C16orf87: variants seen among roughly 807,000 people sequenced by gnomAD.
C16orf87 encodes the protein HDAC and MIER1 interacting protein 1.
Under a neutral mutation model 21.0 loss-of-function variants are expected in C16orf87, and 13 were observed. That is an observed-to-expected ratio of 0.62 (90% CI 0.40 to 0.98). The LOEUF (loss-of-function observed/expected upper bound fraction) is 0.98. C16orf87 is among the 50% of genes least tolerant of loss of function. C16orf87 has a pLI of 0.00. For missense variants in C16orf87, 113 were observed against 180.4 expected (o/e 0.63, Z 2.14); for synonymous variants, 49 against 60.2 (o/e 0.81, Z 0.86).
chr16:46,825,579 A>G (rs542486206), intron 1 of C16orf87, among the ~76,000 whole-genome samples: 26 of 152,278 alleles, frequency 1.7e-4, no homozygotes, highest in African/African-American at 6.0e-4. Flanking sequence ...CAAACAATCT[A>G]TACTCTTTTA....
rs1289810999 is a variant in C16orf87, at chr16:46,799,266, C to A, written c.*3686G>T. 6.6e-6 allele frequency: 1 copy of A among 151,758 alleles called. No individual in the cohort carries two copies. Among genetic ancestry groups the A allele is most frequent in the African/African-American group, 2.4e-5 (1 of 41,296 alleles). 9.4% of individuals were successfully genotyped at this position (151,758 alleles called of 1,614,324 possible). On this transcript the variant is annotated 3_prime_UTR_variant, in exon 4 of 4. Transcript: ENST00000285697. Reference sequence around the variant, plus strand: ...CTATAATAAATGGGTTAAGGCAGCACAAAAGAATAATTTAAAAAAATAGTT... The same window carrying A: ...CTATAATAAATGGGTTAAGGCAGCAAAAAAGAATAATTTAAAAAAATAGTT...
chr16:46,824,592 A>G, intron 1 of C16orf87, 110 bp from the exon 2 acceptor site: 1 of 491,266 alleles, frequency 2.0e-6, no homozygotes, highest in South Asian at 3.6e-5. Flanking sequence ...AGGAGGAATC[A>G]TGTATTTATT....
At chr16:46,807,350 G>A (rs1311104801) in intron 3 of C16orf87, among the ~76,000 whole-genome samples, 1 of 151,948 alleles carries the variant, frequency 6.6e-6, no homozygotes, top group Admixed American at 6.6e-5. Context: ...CCAGGAGTTT[G>A]AGGCTGAAGT....
rs1215719147 is a variant in C16orf87, at chr16:46,798,120, AAAGGGAGCAAAT to A, written c.*4820_*4831del. The A allele has an allele frequency of 6.6e-6, 1 of 152,232 alleles. No individual in the cohort carries two copies. Among genetic ancestry groups the A allele is most frequent in the African/African-American group, 2.4e-5 (1 of 41,478 alleles). The allele number at this position is 152,232 out of a possible 1,614,324, so 9.4% of individuals were successfully genotyped here. On this transcript the variant is annotated 3_prime_UTR_variant, in exon 4 of 4. Coordinates refer to ENST00000285697, the MANE Select transcript of C16orf87 (RefSeq NM_001001436.4). Reference sequence around the variant, plus strand: ...TGAGCTTCCGCCACAATAAGCTAGAAAAGGGAGCAAATAAGCCCAAAGCAAAGAAAGGAGAAA... The same window carrying A: ...TGAGCTTCCGCCACAATAAGCTAGAAAAGCCCAAAGCAAAGAAAGGAGAAA...
intron 2 of C16orf87, among the ~76,000 whole-genome samples, chr16:46,820,503 T>C (rs996481020): frequency 6.6e-6 from 1 of 152,226 alleles, no homozygotes; most frequent in African/African-American, 2.4e-5. Context: ...TTTAGAGATC[T>C]TTCCATTTCA....
At chr16:46,818,419 T>C (rs567082119) in intron 2 of C16orf87, among the ~76,000 whole-genome samples, 22 of 152,142 alleles carry the variant, frequency 1.4e-4, no homozygotes, top group Non-Finnish European at 1.8e-4. Context: ...GAAAACTAAG[T>C]TGAGGGTTTT....
intron 2 of C16orf87, among the ~76,000 whole-genome samples, chr16:46,818,713 A>G (rs1450133604): frequency 6.6e-6 from 1 of 152,166 alleles, no homozygotes; most frequent in Non-Finnish European, 1.5e-5. Flanking sequence ...AATTTGAGAT[A>G]GAGTCTCACT....
chr16:46,822,263 T>A (rs1280800516), intron 2 of C16orf87, among the ~76,000 whole-genome samples: 3 of 152,188 alleles, frequency 2.0e-5, no homozygotes, highest in African/African-American at 7.2e-5. Context: ...ATTTCTCATC[T>A]GAATCACTGG....
At chr16:46,829,109 G>A (rs1169018667) in intron 1 of C16orf87, among the ~76,000 whole-genome samples, 4 of 152,134 alleles carry the variant, frequency 2.6e-5, no homozygotes, top group Non-Finnish European at 2.9e-5. Context: ...TTTAAATTAA[G>A]TCATGAGGGT....
intron 2 of C16orf87, among the ~76,000 whole-genome samples, chr16:46,823,451 G>C (rs910606707): frequency 2.6e-5 from 4 of 152,114 alleles, no homozygotes; most frequent in Non-Finnish European, 5.9e-5. Flanking sequence ...TAACAAAATT[G>C]TATCTTTTAA....
chr16:46,827,619 GT>G (rs1959666134), intron 1 of C16orf87, among the ~76,000 whole-genome samples: 1 of 150,248 alleles, frequency 6.7e-6, no homozygotes, highest in Non-Finnish European at 1.5e-5. Context: ...TCTCACTCTT[GT>G]CCCCCAGGCT....
intron 2 of C16orf87, among the ~76,000 whole-genome samples, chr16:46,821,149 A>G (rs1959398377): frequency 6.6e-6 from 1 of 152,232 alleles, no homozygotes; most frequent in African/African-American, 2.4e-5. Context: ...TGTAAAAACG[A>G]GAATTACTGA....
chr16:46,830,843 C>G (rs1567320788), intron 1 of C16orf87: 3 of 348,452 alleles, frequency 8.6e-6, no homozygotes, highest in Non-Finnish European at 1.5e-5. Context: ...GTGGCCGGGA[C>G]ACAGCAAGAA....
rs964324468 is a variant in C16orf87 at position 46,818,507 on chromosome 16, A to G, written c.163+5879T>C. ...TATGCTTACTCTAAACCTTTTACTCACTGAAAATTTCATAGTTAAAATACT... is the reference window on the plus strand; with the variant it reads ...TATGCTTACTCTAAACCTTTTACTCGCTGAAAATTTCATAGTTAAAATACT... On this transcript the variant is annotated intron_variant, in intron 2 of 3. Coordinates refer to ENST00000285697, the MANE Select transcript of C16orf87 (RefSeq NM_001001436.4). Among the ~76,000 whole-genome samples the G allele has an allele frequency of 4.6e-5, 7 of 152,126 alleles. No homozygotes were observed. In the South Asian group the frequency reaches 1.5e-3, roughly 32 times the overall value.
At chr16:46,822,044 G>A (rs1041548542) in intron 2 of C16orf87, among the ~76,000 whole-genome samples, 1 of 152,056 alleles carries the variant, frequency 6.6e-6, no homozygotes, top group Non-Finnish European at 1.5e-5. Context: ...TGTATCATCT[G>A]TTCCTCCTTT....
chr16:46,825,542 C>T (rs960592982), intron 1 of C16orf87, among the ~76,000 whole-genome samples: 3 of 152,166 alleles, frequency 2.0e-5, no homozygotes. Flanking sequence ...GGGTATTCAA[C>T]CCCTCAAGCA....
intron 2 of C16orf87, among the ~76,000 whole-genome samples, chr16:46,819,745 C>A (rs988076323): frequency 4.6e-5 from 7 of 151,226 alleles, no homozygotes; most frequent in African/African-American, 9.7e-5. Context: ...GAGGCCGAGG[C>A]GGGCGGATTA....
At chr16:46,827,664 C>A (rs183111740) in intron 1 of C16orf87, among the ~76,000 whole-genome samples, 6 of 151,994 alleles carry the variant, frequency 3.9e-5, no homozygotes, top group Non-Finnish European at 8.8e-5. Flanking sequence ...CTCACTGCAA[C>A]CTCTGCCTCC....
chr16:46,815,425 T>C (rs1014196301), intron 2 of C16orf87, among the ~76,000 whole-genome samples: 11 of 149,884 alleles, frequency 7.3e-5, no homozygotes, highest in Non-Finnish European at 1.5e-4. Flanking sequence ...TAAACTTCTG[T>C]GTATCAAAGG....
Sources: gnomAD v4.1 joint callset for allele counts (sites outside exome capture counted in the v4.1 genomes callset) on GRCh38, gnomAD v4.1.1 for gene constraint, MANE v1.5 for transcripts, NCBI Gene and HGNC (gene_info 2026-07-23, HGNC 2026-07-21) for gene names.